Variants in BAG6 observed in about 807,000 individuals in gnomAD.
The protein encoded by BAG6 is BAG cochaperone 6.
BAG6 carries 22 observed loss-of-function variants against 121.0 expected under a neutral mutation model. The ratio of observed to expected loss-of-function variants is 0.18; its 90% CI spans 0.13 to 0.26. The LOEUF (loss-of-function observed/expected upper bound fraction) is 0.26. Ranked by LOEUF, BAG6 falls within the 10% of genes least tolerant of loss-of-function variation. The pLI is 1.00. For synonymous variants in BAG6, 583 were observed against 584.6 expected (o/e 1.00, Z 0.04); for missense variants, 1,233 against 1,537.7 (o/e 0.80, Z 3.31).
In BAG6 at chr6:31,640,122, A is replaced by G; in HGVS notation, c.3246+77T>C. 3 of 1,428,456 alleles carry G rather than the reference A, an allele frequency of 2.1e-6. No homozygotes were observed. Among genetic ancestry groups the G allele is most frequent in the Non-Finnish European group, 2.9e-6 (3 of 1,020,784 alleles). The allele number at this position is 1,428,456 out of a possible 1,614,324, so 88.5% of individuals were successfully genotyped here. On this transcript the variant is annotated intron_variant, in intron 24 of 25. Transcript: ENST00000676615. This position sits in a 1 kb window ranked among gnomAD's most constrained non-coding sequence, Gnocchi z 4.2. ...AGACTGAATAACAAGAGCTCCCACC[A>G]TCTCTACATAGTTTGATTCCAGGCA... is the stretch of plus-strand genomic sequence containing the variant.
chr6:31,640,129 C>T lies in BAG6; in HGVS notation c.3246+70G>A. The T allele has an allele frequency of 6.7e-7, 1 of 1,485,280 alleles. No individual in the cohort carries two copies. The highest frequency in any genetic ancestry group is 9.4e-7 in the Non-Finnish European group (1 of 1,067,266). 92.0% of individuals were successfully genotyped at this position (1,485,280 alleles called of 1,614,324 possible). A position where few individuals can be genotyped will look rare whatever the true frequency, so the allele number is the denominator to read the frequency against. On this transcript the variant is annotated intron_variant, in intron 24 of 25. Transcript: ENST00000676615. This position sits in a 1 kb window ranked among gnomAD's most constrained non-coding sequence, Gnocchi z 4.2. ...ATAACAAGAGCTCCCACCATCTCTACATAGTTTGATTCCAGGCATGACGGG... is the reference window on the plus strand; with the variant it reads ...ATAACAAGAGCTCCCACCATCTCTATATAGTTTGATTCCAGGCATGACGGG...
rs1787421510 is a variant in BAG6 at position 31,644,952 on chromosome 6, T to A, written c.1363A>T (p.Ile455Phe). The part of the protein sequence containing the change: ...VEPVVMMHMN[I>F]QDSGTQPGGV... ...CGCCAGCAACTATTCTCACCTTGAA[T>A]GTTCATGTGCATCATGACCACGGGT... The change falls in exon 10 of 26, where the codon ATT becomes TTT. Residue 455 changes from isoleucine (I) to phenylalanine (F), a missense_variant. By Grantham distance (21) the Ile-to-Phe change is conservative. Coordinates refer to ENST00000676615, the MANE Select transcript of BAG6 (RefSeq NM_001387994.1). The surrounding 1 kb of genome is among the most constrained non-coding windows in gnomAD (Gnocchi z 4.9). 1 of 1,578,070 alleles carries A rather than the reference T, an allele frequency of 6.3e-7. No individual in the cohort carries two copies. Among genetic ancestry groups the A allele is most frequent in the Admixed American group, 1.8e-5 (1 of 56,132 alleles).
chr6:31,651,719 G>A lies in BAG6; in HGVS notation c.45C>T (p.Asp15=), dbSNP rs781477885. The A allele has an allele frequency of 9.3e-6, 15 of 1,612,908 alleles. No homozygotes were observed. The highest frequency in any genetic ancestry group is 1.3e-5 in the Non-Finnish European group (15 of 1,180,026). The change falls in exon 2 of 26, where the codon GAC becomes GAT. Residue 15 remains aspartate (D), a synonymous_variant. Transcript: ENST00000676615. ...AGGTCTTCACCAACACCTCCAAGCT[G>A]TCAGGCTCCTCCACAGCGGTACTGG... The part of the protein sequence containing the change: ...DSTSTAVEEP[D]SLEVLVKTLD...
intron 14 of BAG6, 128 bp from the exon 15 acceptor site, chr6:31,643,243 C>T (rs1000888823): frequency 2.3e-6 from 2 of 866,984 alleles, no homozygotes; most frequent in African/African-American, 1.7e-5. Context: ...AGCAAGACCC[C>T]ATCTCTACCA....
At position 31,646,403 on chromosome 6, in the gene BAG6, G is replaced by A. The variant is rs1789286221; in HGVS notation, c.909C>T (p.Tyr303=). 3.1e-6 allele frequency: 5 copies of A among 1,612,952 alleles called. No homozygotes were observed. The African/African-American group carries it at 6.7e-5, about 21-fold the overall frequency. The change falls in exon 8 of 26, where the codon TAC becomes TAT. Residue 303 remains tyrosine, a synonymous_variant. Transcript: ENST00000676615. The part of the protein sequence containing the change: ...EVLGAAATTD[Y]NNNHEGREED... The stretch of plus-strand genomic sequence containing the variant: ...CCATCAAAGGGCTCACATTGTTATT[G>A]TAGTCCGTGGTGGCAGCAGCACCCA...
In BAG6 at chr6:31,645,306, C is replaced by T. The variant is rs1474361688; in HGVS notation, c.1116+101G>A. ...TCTCCAGCCTTCATCACCATGTTTCCAGTCTCCTCCTTTCCTAACCTCCTT... is the reference window on the plus strand; with the variant it reads ...TCTCCAGCCTTCATCACCATGTTTCTAGTCTCCTCCTTTCCTAACCTCCTT... On this transcript the variant is annotated intron_variant, in intron 9 of 25. Transcript: ENST00000676615. 8.7e-6 allele frequency: 14 copies of T among 1,605,880 alleles called. No individual in the cohort carries two copies. In the Admixed American group the frequency reaches 1.2e-4, roughly 14 times the overall value.
chr6:31,639,570 G>A lies in BAG6; in HGVS notation c.3323C>T (p.Pro1108Leu). The A allele has an allele frequency of 6.2e-7, 1 of 1,614,076 alleles. No homozygotes were observed. Among genetic ancestry groups the A allele is most frequent in the East Asian group, 2.2e-5 (1 of 44,876 alleles). The change falls in exon 25 of 26, where the codon CCC becomes CTC. Residue 1108 changes from proline to leucine, a missense_variant. Transcript: ENST00000676615. ...SRAAKAAGAR[P>L]LTSPESLSRD... is the part of the protein sequence containing the mutation. ...GCTCAGGCTCTCGGGGCTCGTCAGG[G>A]GCCGAGCTCCGGCTGCCTTAGCTGC...
rs759824540 is a variant in BAG6 at position 31,649,586 on chromosome 6, G to A, written c.150C>T (p.Val50=). ...KEFKEHIAAS[V]SIPSEKQRLI... ...GCCGTTGTTTTTCAGATGGGATGCTGACAGAGGCAGCAATGTGCTCCTTAA... is the reference window on the plus strand; with the variant it reads ...GCCGTTGTTTTTCAGATGGGATGCTAACAGAGGCAGCAATGTGCTCCTTAA... Residue 50 remains valine (V), a synonymous_variant, in exon 3 of 26, where the codon GTC becomes GTT. Coordinates refer to ENST00000676615, the MANE Select transcript of BAG6 (RefSeq NM_001387994.1). 3 of 1,614,066 alleles carry A rather than the reference G, an allele frequency of 1.9e-6. No individual in the cohort carries two copies. The highest frequency in any genetic ancestry group is 2.5e-6 in the Non-Finnish European group (3 of 1,180,060).
In BAG6 at chr6:31,644,249, G is replaced by A; in HGVS notation, c.1556-55C>T. 2 of 1,571,874 alleles carry A rather than the reference G, an allele frequency of 1.3e-6. No homozygotes were observed. Among genetic ancestry groups the A allele is most frequent in the Non-Finnish European group, 1.7e-6 (2 of 1,158,754 alleles). On this transcript the variant is annotated intron_variant, in intron 12 of 25. Coordinates refer to ENST00000676615, the MANE Select transcript of BAG6 (RefSeq NM_001387994.1). The surrounding 1 kb of genome is among the most constrained non-coding windows in gnomAD (Gnocchi z 4.9). Reference sequence around the variant, plus strand: ...AGGGCTGAGGGCCAGGCCCTTGCCAGCCAGCTGCCACCATGGACTGTGCCC... The same window carrying A: ...AGGGCTGAGGGCCAGGCCCTTGCCAACCAGCTGCCACCATGGACTGTGCCC...
In BAG6 at chr6:31,640,469, T is replaced by C. The variant is rs1386964541; in HGVS notation, c.3054A>G (p.Pro1018=). 1 of 1,613,208 alleles carries C rather than the reference T, an allele frequency of 6.2e-7. No homozygotes were observed. Among genetic ancestry groups the C allele is most frequent in the Non-Finnish European group, 8.5e-7 (1 of 1,180,006 alleles). ...TTAEEAMSRG[P]PPAPEGGSRD... ...GGGAGCCCCCCTCAGGAGCAGGAGG[T>C]GGACCTCGGGACATGGCCTCTTCTG... Residue 1018 remains proline (P), a synonymous_variant, in exon 23 of 26, where the codon CCA becomes CCG. Coordinates refer to ENST00000676615, the MANE Select transcript of BAG6 (RefSeq NM_001387994.1). The surrounding 1 kb of genome is among the most constrained non-coding windows in gnomAD (Gnocchi z 4.2).
Position 31,644,235 on chromosome 6 carries a change from C to G in BAG6, c.1556-41G>C. ...GAGACAGACCGAAGAGGGCTGAGGG[C>G]CAGGCCCTTGCCAGCCAGCTGCCAC... On this transcript the variant is annotated intron_variant, in intron 12 of 25. Coordinates refer to ENST00000676615, the MANE Select transcript of BAG6 (RefSeq NM_001387994.1). The surrounding 1 kb of genome is among the most constrained non-coding windows in gnomAD (Gnocchi z 4.9). 1 of 1,587,432 alleles carries G rather than the reference C, an allele frequency of 6.3e-7. No homozygotes were observed. The highest frequency in any genetic ancestry group is 8.6e-7 in the Non-Finnish European group (1 of 1,167,234).
At chr6:31,646,659 G>C in intron 7 of BAG6, 136 bp from the exon 8 acceptor site, 4 of 1,122,086 alleles carry the variant, frequency 3.6e-6, no homozygotes, top group Non-Finnish European at 4.8e-6. Context: ...GACCAGCAGA[G>C]CTTCTATTCT....
At position 31,640,814 on chromosome 6, in the gene BAG6, C is replaced by T. The variant is rs1782006263; in HGVS notation, c.2912G>A (p.Arg971His). 6.2e-7 allele frequency: 1 copy of T among 1,612,590 alleles called. No individual in the cohort carries two copies. The highest frequency in any genetic ancestry group is 8.5e-7 in the Non-Finnish European group (1 of 1,180,036). ...VGPDAILRYV[R>H]RVGDPPQPLP... ...TACCTGGGGGGGATCACCAACCCTG[C>T]GAACGTATCTGAGAATGGCATCAGG... The change falls in exon 21 of 26, where the codon CGC (arginine) becomes CAC (histidine). Residue 971 changes from arginine (R) to histidine (H), a missense_variant. By Grantham distance (29) the Arg-to-His change is conservative (BLOSUM62 0). Around this residue, in one of 7 missense-constraint regions of BAG6, gnomAD observed 288 missense variants for 483.1 expected, o/e 0.60. Coordinates refer to ENST00000676615, the MANE Select transcript of BAG6 (RefSeq NM_001387994.1). The surrounding 1 kb of genome is among the most constrained non-coding windows in gnomAD (Gnocchi z 4.2).
Position 31,639,034 on chromosome 6 carries a change from GA to G in BAG6, c.*96del. 2.0e-6 allele frequency: 2 copies of G among 978,380 alleles called. No individual in the cohort carries two copies. Among genetic ancestry groups the G allele is most frequent in the South Asian group, 3.2e-5 (2 of 63,248 alleles). The allele number at this position is 978,380 out of a possible 1,614,324, so 60.6% of individuals were successfully genotyped here. A position where few individuals can be genotyped will look rare whatever the true frequency, so the allele number is the denominator to read the frequency against. ...CTACCTAATGGAGACAATGTAGAGA[GA>G]AAGCAGCCAGAAAAATCCGACTTTT... On this transcript the variant is annotated 3_prime_UTR_variant, in exon 26 of 26. Coordinates refer to ENST00000676615, the MANE Select transcript of BAG6 (RefSeq NM_001387994.1).
chr6:31,641,686 A>C lies in BAG6; in HGVS notation c.2505+90T>G. On this transcript the variant is annotated intron_variant, in intron 17 of 25. Transcript: ENST00000676615. This position sits in a 1 kb window ranked among gnomAD's most constrained non-coding sequence, Gnocchi z 5.7. ...CAAGTCCAGGGCTTGTGTGGGGGCA[A>C]TTGGAGCTTTACCTGGCAGAGAAGC... 1 of 1,610,812 alleles carries C rather than the reference A, an allele frequency of 6.2e-7. No homozygotes were observed. The highest frequency in any genetic ancestry group is 2.2e-5 in the East Asian group (1 of 44,864).
In BAG6 at chr6:31,649,511, G is replaced by A. The variant is rs779919117; in HGVS notation, c.225C>T (p.Tyr75=). 9.9e-6 allele frequency: 16 copies of A among 1,614,068 alleles called. 1 individual carries two copies. In the South Asian group the frequency reaches 1.8e-4, roughly 18 times the overall value. Residue 75 remains tyrosine, a splice_region_variant and synonymous_variant, in exon 3 of 26, where the codon TAC becomes TAT. Coordinates refer to ENST00000676615, the MANE Select transcript of BAG6 (RefSeq NM_001387994.1). ...VLQDDKKLQE[Y]NVGGKVIHLV... The stretch of plus-strand genomic sequence containing the variant: ...GAACTGCCTCCCCAGCCCCCTTACT[G>A]TATTCCTGAAGCTTCTTATCATCTT...
intron 2 of BAG6, among the ~76,000 whole-genome samples, chr6:31,650,107 T>C (rs1794697045): frequency 6.6e-6 from 1 of 151,260 alleles, no homozygotes; most frequent in African/African-American, 2.4e-5. Context: ...TCTCAAAAAA[T>C]TAAATAAATA....
rs373859936 is a variant in BAG6, at chr6:31,645,073, G to A, written c.1242C>T (p.Val414=). The A allele has an allele frequency of 4.0e-5, 65 of 1,612,844 alleles. No individual in the cohort carries two copies. The highest frequency in any genetic ancestry group is 1.9e-4 in the South Asian group (17 of 91,090). ...GGGGAGCCCCCTCAGCTGAGGACTC[G>A]ACATTGGTAGAAGACGGAGCCACGG... ...ASSVAPSSTN[V]ESSAEGAPPP... The change falls in exon 10 of 26, where the codon GTC becomes GTT. Residue 414 remains valine, a synonymous_variant. Coordinates refer to ENST00000676615, the MANE Select transcript of BAG6 (RefSeq NM_001387994.1).
intron 7 of BAG6, among the ~76,000 whole-genome samples, chr6:31,646,766 G>GTTT (rs66820473): frequency 0.019 from 1,166 of 60,682 alleles, 34 homozygotes; most frequent in Middle Eastern, 0.089. Context: ...GCTAATTTTT[G>GTTT]TTTTTTTTTT....
Sources: gnomAD v4.1 joint callset for allele counts (sites outside exome capture counted in the v4.1 genomes callset) on GRCh38, gnomAD v4.1.1 for gene constraint, gnomAD v4.1.1 regional missense constraint, Gnocchi (gnomAD v3.1) non-coding constraint, MANE v1.5 for transcripts, NCBI Gene and HGNC (gene_info 2026-07-23, HGNC 2026-07-21) for gene names.